ATF7IP: variants seen among roughly 807,000 people sequenced by gnomAD.
ATF7IP encodes the protein activating transcription factor 7-interacting protein 1.
In ATF7IP, 23 loss-of-function variants were observed where a neutral mutation model predicts 106.4. That is an observed-to-expected ratio of 0.22 (90% CI 0.16 to 0.31). The LOEUF is 0.31. ATF7IP is among the 10% of genes least tolerant of loss of function. The pLI is 1.00. For missense variants in ATF7IP, 1,334 were observed against 1,524.3 expected (o/e 0.88, Z 2.08); for synonymous variants, 542 against 539.0 (o/e 1.01, Z -0.08).
rs1245110448 is a variant in ATF7IP at position 14,436,266 on chromosome 12, A to T, written c.1791+15A>T. The T allele has an allele frequency of 1.2e-6, 2 of 1,605,762 alleles. No homozygotes were observed. The highest frequency in any genetic ancestry group is 1.7e-6 in the Non-Finnish European group (2 of 1,175,082). On this transcript the variant is annotated intron_variant, in intron 4 of 14. Coordinates refer to ENST00000261168, the MANE Select transcript of ATF7IP (RefSeq NM_018179.5). ...AACTTCAAAAGGTATTGTGTCAATT[A>T]TAAGTTATAAACCATATTGAATAAA... is the stretch of plus-strand genomic sequence containing the variant.
chr12:14,442,393 T>C (rs1465881838), intron 5 of ATF7IP, among the ~76,000 whole-genome samples: 1 of 152,178 alleles, frequency 6.6e-6, no homozygotes, highest in Non-Finnish European at 1.5e-5. Flanking sequence ...GCTGCCTGTT[T>C]TGCAATGTGT....
At chr12:14,492,055 T>C (rs370514090) in intron 13 of ATF7IP, among the ~76,000 whole-genome samples, 2 of 152,220 alleles carry the variant, frequency 1.3e-5, no homozygotes, top group East Asian at 3.8e-4. Context: ...TTTCCCACCA[T>C]AGTAGCCCTC....
At chr12:14,450,275 C>T (rs1943149833) in intron 6 of ATF7IP, among the ~76,000 whole-genome samples, 1 of 152,130 alleles carries the variant, frequency 6.6e-6, no homozygotes, top group African/African-American at 2.4e-5. Flanking sequence ...CGGTTTTTCA[C>T]CATTGAGTAT....
At chr12:14,459,207 G>C (rs932725109) in intron 8 of ATF7IP, among the ~76,000 whole-genome samples, 2 of 152,190 alleles carry the variant, frequency 1.3e-5, no homozygotes, top group African/African-American at 4.8e-5. Flanking sequence ...CAGTGTGTCT[G>C]TAGGTCATTC....
chr12:14,390,696 G>A (rs368611978), intron 1 of ATF7IP, among the ~76,000 whole-genome samples: 3 of 152,032 alleles, frequency 2.0e-5, no homozygotes, highest in East Asian at 1.9e-4. Flanking sequence ...TTTCTTAACC[G>A]TACACTAGAT....
intron 9 of ATF7IP, among the ~76,000 whole-genome samples, chr12:14,463,448 A>G (rs945970206): frequency 7.2e-5 from 11 of 152,230 alleles, no homozygotes; most frequent in Admixed American, 1.3e-4. Flanking sequence ...ACAGAAATGT[A>G]TAAAATAGTC....
chr12:14,382,906 G>A (rs1591764582), intron 1 of ATF7IP, among the ~76,000 whole-genome samples: 1 of 152,188 alleles, frequency 6.6e-6, no homozygotes, highest in Non-Finnish European at 1.5e-5. Flanking sequence ...AGTAAGCAAA[G>A]AATTATCAGT....
At chr12:14,493,583 T>C (rs1004986544) in intron 13 of ATF7IP, among the ~76,000 whole-genome samples, 1 of 152,100 alleles carries the variant, frequency 6.6e-6, no homozygotes, top group African/African-American at 2.4e-5. Flanking sequence ...GGGAAGCTGT[T>C]CTTTCTGGCA....
intron 6 of ATF7IP, 47 bp from the exon 7 acceptor site, chr12:14,456,514 C>A: frequency 7.4e-7 from 1 of 1,358,146 alleles, no homozygotes; most frequent in Non-Finnish European, 1.0e-6. Context: ...TAAAGATTCC[C>A]TGTGTGTTGA....
At chr12:14,423,507 T>C (rs2136547168) in intron 1 of ATF7IP, among the ~76,000 whole-genome samples, 1 of 151,382 alleles carries the variant, frequency 6.6e-6, no homozygotes, top group South Asian at 2.1e-4. Context: ...TTCCTTTATC[T>C]CTATACCTGT....
intron 1 of ATF7IP, among the ~76,000 whole-genome samples, chr12:14,390,040 A>G (rs531497779): frequency 2.6e-5 from 4 of 152,362 alleles, no homozygotes; most frequent in Non-Finnish European, 5.9e-5. Flanking sequence ...ACAATTGAGT[A>G]TAGATGCTGT....
chr12:14,444,949 T>C (rs1335872618), intron 5 of ATF7IP, among the ~76,000 whole-genome samples: 1 of 151,472 alleles, frequency 6.6e-6, no homozygotes, highest in Non-Finnish European at 1.5e-5. Context: ...AATAGAATAA[T>C]AATATTATGC....
chr12:14,401,371 A>T (rs1250048164), intron 1 of ATF7IP, among the ~76,000 whole-genome samples: 1 of 151,920 alleles, frequency 6.6e-6, no homozygotes, highest in African/African-American at 2.4e-5. Flanking sequence ...TAATTTTTGT[A>T]ATTTTAATAG....
intron 9 of ATF7IP, among the ~76,000 whole-genome samples, chr12:14,462,173 G>T (rs1353011435): frequency 6.6e-6 from 1 of 151,974 alleles, no homozygotes; most frequent in East Asian, 1.9e-4. Flanking sequence ...TGTTTTATAT[G>T]AAAGTGTAAT....
In ATF7IP at chr12:14,500,641, G is replaced by T. The variant is rs1945135428; in HGVS notation, c.*2568G>T. 6.6e-6 allele frequency: 1 copy of T among 152,076 alleles called. No individual in the cohort carries two copies. The highest frequency in any genetic ancestry group is 1.5e-5 in the Non-Finnish European group (1 of 68,010). 9.4% of individuals were successfully genotyped at this position (152,076 alleles called of 1,614,324 possible). The stretch of plus-strand genomic sequence containing the variant: ...CCATGTTCAAATTGTTCTTTATTGG[G>T]TGTTTTTATGGTCACGTGGTAACAA... On this transcript the variant is annotated 3_prime_UTR_variant, in exon 15 of 15. Transcript: ENST00000261168.
chr12:14,467,291 G>T (rs1943869303), intron 10 of ATF7IP, among the ~76,000 whole-genome samples: 1 of 151,956 alleles, frequency 6.6e-6, no homozygotes, highest in Non-Finnish European at 1.5e-5. Context: ...AGCATGTCAG[G>T]CATGAAAAAA....
intron 11 of ATF7IP, among the ~76,000 whole-genome samples, chr12:14,477,990 C>T (rs1440162290): frequency 6.6e-6 from 1 of 152,100 alleles, no homozygotes; most frequent in Non-Finnish European, 1.5e-5. Context: ...GAAGAGTGTT[C>T]TTCCTATAGG....
intron 13 of ATF7IP, among the ~76,000 whole-genome samples, chr12:14,489,662 G>T (rs1944743265): frequency 6.6e-6 from 1 of 152,148 alleles, no homozygotes. Flanking sequence ...TTGTCACCTA[G>T]TTGGCATTGT....
intron 1 of ATF7IP, among the ~76,000 whole-genome samples, chr12:14,399,033 A>G (rs533310045): frequency 6.6e-5 from 10 of 152,232 alleles, no homozygotes; most frequent in Admixed American, 3.3e-4. Flanking sequence ...TAACTTACAC[A>G]TTGCAATTAT....
Sources: allele counts gnomAD v4.1 joint callset (sites outside exome capture counted in the v4.1 genomes callset), GRCh38; gene constraint gnomAD v4.1.1; transcripts MANE v1.5; gene names NCBI Gene and HGNC (gene_info 2026-07-23, HGNC 2026-07-21).